The following TMEM132D variants were observed in gnomAD, a reference collection of about 807,000 sequenced individuals.
TMEM132D encodes the protein mature OL transmembrane protein.
Under a neutral mutation model 62.3 loss-of-function variants are expected in TMEM132D, and 21 were observed. The observed-to-expected ratio is 0.34, with a 90% CI of 0.24 to 0.49. The LOEUF is 0.49. Among genes scored for constraint, TMEM132D ranks in the 20% least tolerant of loss-of-function variants. The probability of loss-of-function intolerance (pLI) is 0.99; values close to 1 mark genes in which losing one functional copy is unlikely to be tolerated. For synonymous variants in TMEM132D, 621 were observed against 575.6 expected, an observed-to-expected ratio of 1.08 and a Z score of -1.13; for missense variants, 1,346 against 1,402.8, an observed-to-expected ratio of 0.96 and a Z score of 0.65.
chr12:129,830,962 G>A (rs192486845), intron 1 of TMEM132D, among the ~76,000 whole-genome samples: 10 of 152,104 alleles, frequency 6.6e-5, no homozygotes, highest in Admixed American at 5.2e-4. Flanking sequence ...AGGACTCTCC[G>A]TCTGGCTCCC....
intron 2 of TMEM132D, among the ~76,000 whole-genome samples, chr12:129,655,731 C>A (rs1318217781): frequency 1.3e-5 from 2 of 152,102 alleles, no homozygotes; most frequent in Non-Finnish European, 2.9e-5. Flanking sequence ...TGGAGGGCTG[C>A]AAATGAGCTG....
At chr12:129,474,189 G>T (rs1874188884) in intron 3 of TMEM132D, among the ~76,000 whole-genome samples, 1 of 152,130 alleles carries the variant, frequency 6.6e-6, no homozygotes. Flanking sequence ...ATTGTCACAG[G>T]GGACTCGGGA....
intron 3 of TMEM132D, among the ~76,000 whole-genome samples, chr12:129,355,374 C>T (rs1870008191): frequency 6.6e-6 from 1 of 152,008 alleles, no homozygotes; most frequent in South Asian, 2.1e-4. Flanking sequence ...TCTGCAACCG[C>T]CTACGTGGGC....
At chr12:129,823,427 G>A (rs146340718) in intron 1 of TMEM132D, among the ~76,000 whole-genome samples, 132 of 152,332 alleles carry the variant, frequency 8.7e-4, no homozygotes, top group African/African-American at 2.3e-3. Context: ...GAGTTTAGGC[G>A]CAGTACGCCC....
At chr12:129,774,478 A>C (rs1442623999) in intron 1 of TMEM132D, among the ~76,000 whole-genome samples, 1 of 152,176 alleles carries the variant, frequency 6.6e-6, no homozygotes. Flanking sequence ...GGTAAGGCCC[A>C]TCTCCATCAA....
At chr12:129,365,826 T>A (rs1407678513) in intron 3 of TMEM132D, among the ~76,000 whole-genome samples, 2 of 152,074 alleles carry the variant, frequency 1.3e-5, no homozygotes. Flanking sequence ...TGAGAGGAGC[T>A]GAATGGAGGC....
intron 5 of TMEM132D, among the ~76,000 whole-genome samples, chr12:129,087,369 A>G (rs780475324): frequency 5.3e-5 from 8 of 151,524 alleles, no homozygotes; most frequent in African/African-American, 9.7e-5. Flanking sequence ...TTATCCATTC[A>G]TCCACTGAGA....
chr12:129,841,288 T>TA (rs1162603306), intron 1 of TMEM132D, among the ~76,000 whole-genome samples: 1 of 151,368 alleles, frequency 6.6e-6, no homozygotes, highest in African/African-American at 2.4e-5. Flanking sequence ...CACATAATTC[T>TA]AAAAAAATCT....
At chr12:129,791,439 A>C (rs1163804521) in intron 1 of TMEM132D, among the ~76,000 whole-genome samples, 1 of 152,238 alleles carries the variant, frequency 6.6e-6, no homozygotes, top group Non-Finnish European at 1.5e-5. Flanking sequence ...TAAGATAAAT[A>C]TTGGTTTTAG....
At chr12:129,788,892 G>T (rs956449442) in intron 1 of TMEM132D, among the ~76,000 whole-genome samples, 1 of 152,154 alleles carries the variant, frequency 6.6e-6, no homozygotes, top group Non-Finnish European at 1.5e-5. Context: ...AGTCTGGCAT[G>T]TGTGGGGAAC....
chr12:129,629,321 G>C (rs1241714023), intron 2 of TMEM132D, among the ~76,000 whole-genome samples: 3 of 152,164 alleles, frequency 2.0e-5, no homozygotes, highest in Admixed American at 6.5e-5. Context: ...GCACTTTCCA[G>C]AATTATAATC....
intron 2 of TMEM132D, among the ~76,000 whole-genome samples, chr12:129,677,134 A>C (rs2137204869): frequency 6.6e-6 from 1 of 152,250 alleles, no homozygotes; most frequent in East Asian, 1.9e-4. Context: ...CTGTGACCCC[A>C]CCCAAATCTC....
At chr12:129,830,071 A>C (rs1290123987) in intron 1 of TMEM132D, among the ~76,000 whole-genome samples, 5 of 152,164 alleles carry the variant, frequency 3.3e-5, no homozygotes, top group Non-Finnish European at 2.9e-5. Flanking sequence ...GTTTCCTTAG[A>C]CACAGTGCAT....
chr12:129,335,910 G>C (rs1869256858), intron 4 of TMEM132D, among the ~76,000 whole-genome samples: 1 of 152,198 alleles, frequency 6.6e-6, no homozygotes, highest in South Asian at 2.1e-4. Flanking sequence ...GGCCCTGTTT[G>C]AACTTTGGCC....
chr12:129,344,519 C>G (rs547817459), intron 3 of TMEM132D, among the ~76,000 whole-genome samples: 1 of 152,114 alleles, frequency 6.6e-6, no homozygotes, highest in Non-Finnish European at 1.5e-5. Flanking sequence ...GTTAGAGGAA[C>G]CTCTTAATAA....
At chr12:129,201,023 G>A (rs989832921) in intron 5 of TMEM132D, among the ~76,000 whole-genome samples, 1 of 152,202 alleles carries the variant, frequency 6.6e-6, no homozygotes, top group African/African-American at 2.4e-5. Context: ...TGTGTCTCTG[G>A]TGCAGAAGCA....
At chr12:129,597,845 C>T (rs1428077295) in intron 2 of TMEM132D, among the ~76,000 whole-genome samples, 3 of 152,242 alleles carry the variant, frequency 2.0e-5, no homozygotes, top group East Asian at 1.9e-4. Flanking sequence ...CACAGAATTT[C>T]CTACCGAGTT....
At chr12:129,781,838 C>T (rs993414826) in intron 1 of TMEM132D, among the ~76,000 whole-genome samples, 18 of 152,092 alleles carry the variant, frequency 1.2e-4, no homozygotes, top group African/African-American at 3.1e-4. Context: ...AGCTAAAATC[C>T]GGGAGTTAAC....
chr12:129,138,645 C>T (rs113082656), intron 5 of TMEM132D, among the ~76,000 whole-genome samples: 3 of 152,134 alleles, frequency 2.0e-5, no homozygotes, highest in Non-Finnish European at 2.9e-5. Flanking sequence ...TGCTTGAACC[C>T]GGGAGGCAAA....
Sources: gnomAD v4.1 joint callset for allele counts (sites outside exome capture counted in the v4.1 genomes callset) on GRCh38, gnomAD v4.1.1 for gene constraint, MANE v1.5 for transcripts, NCBI Gene and HGNC (gene_info 2026-07-23, HGNC 2026-07-21) for gene names.